MMAA: variants seen among roughly 807,000 people sequenced by gnomAD.
MMAA encodes the protein methylmalonic aciduria type A protein, mitochondrial.
MMAA carries 41 observed loss-of-function variants against 45.0 expected under a neutral mutation model. That is an observed-to-expected ratio of 0.91 (90% CI 0.71 to 1.18). The LOEUF (loss-of-function observed/expected upper bound fraction) is 1.18, where lower values mean the gene tolerates loss of function less well. Among genes scored for constraint, MMAA ranks in the 50% most tolerant of loss-of-function variants. MMAA has a pLI of 0.00. For synonymous variants in MMAA, 154 were observed against 178.2 expected, an observed-to-expected ratio of 0.86 and a Z score of 1.08; for missense variants, 460 against 495.7, an observed-to-expected ratio of 0.93 and a Z score of 0.68.
intron 3 of MMAA, among the ~76,000 whole-genome samples, chr4:145,644,824 G>C (rs1254410187): frequency 6.6e-6 from 1 of 152,162 alleles, no homozygotes; most frequent in African/African-American, 2.4e-5. Context: ...GTTGTGGGTG[G>C]CTGTCCTGTG....
At chr4:145,641,153 G>A (rs1437103655) in intron 2 of MMAA, among the ~76,000 whole-genome samples, 1 of 152,116 alleles carries the variant, frequency 6.6e-6, no homozygotes, top group Non-Finnish European at 1.5e-5. Flanking sequence ...TACCTTGGAT[G>A]TTAATAATCT....
chr4:145,624,800 A>C (rs1333175601), intron 1 of MMAA: 10 of 1,606,386 alleles, frequency 6.2e-6, no homozygotes, highest in African/African-American at 1.3e-5. Context: ...TGCAGGGCTC[A>C]TTGGCTCTGC....
intron 1 of MMAA, among the ~76,000 whole-genome samples, chr4:145,635,268 C>G (rs1727581198): frequency 6.6e-6 from 1 of 152,148 alleles, no homozygotes; most frequent in Non-Finnish European, 1.5e-5. Context: ...TGGGAACAGC[C>G]AGGCCTCTCT....
intron 1 of MMAA, among the ~76,000 whole-genome samples, chr4:145,619,658 A>C (rs143691668): frequency 1.0e-3 from 156 of 152,304 alleles, no homozygotes; most frequent in African/African-American, 3.5e-3. Flanking sequence ...CTGTACGTAA[A>C]CAGTGTTTTA....
intron 5 of MMAA, among the ~76,000 whole-genome samples, chr4:145,652,444 A>G (rs550230443): frequency 4.6e-5 from 7 of 152,208 alleles, no homozygotes; most frequent in Admixed American, 3.3e-4. Flanking sequence ...AAACTCAGGT[A>G]TAGGCCGGGC....
At chr4:145,623,826 A>G (rs906894270) in intron 1 of MMAA, among the ~76,000 whole-genome samples, 2 of 152,208 alleles carry the variant, frequency 1.3e-5, no homozygotes, top group African/African-American at 4.8e-5. Flanking sequence ...GAGTGTTTTA[A>G]TGTACTTTTA....
intron 2 of MMAA, among the ~76,000 whole-genome samples, chr4:145,640,803 G>T (rs985682713): frequency 1.3e-5 from 2 of 152,130 alleles, no homozygotes; most frequent in African/African-American, 4.8e-5. Context: ...TGACCAGCAG[G>T]AATTAAACAA....
At chr4:145,633,938 C>T (rs1287351921) in intron 1 of MMAA, among the ~76,000 whole-genome samples, 1 of 152,192 alleles carries the variant, frequency 6.6e-6, no homozygotes. Flanking sequence ...CTGTTTTGAG[C>T]CACCTGGAGC....
intron 1 of MMAA, among the ~76,000 whole-genome samples, chr4:145,623,549 A>G (rs1734131216): frequency 6.6e-6 from 1 of 152,236 alleles, no homozygotes; most frequent in South Asian, 2.1e-4. Context: ...ATAATGTAGA[A>G]CATGTAGTCT....
intron 1 of MMAA, among the ~76,000 whole-genome samples, chr4:145,630,380 A>G (rs2126610875): frequency 6.6e-6 from 1 of 152,122 alleles, no homozygotes; most frequent in East Asian, 1.9e-4. Context: ...ATTTATTTGG[A>G]TCATCTCTCT....
rs4835011 is a variant in MMAA at position 145,639,084 on chromosome 4, A to G, written c.-56A>G. On this transcript the variant is annotated 5_prime_UTR_variant, in exon 2 of 7. Transcript: ENST00000649156. ...TTTTTCTTTCTTCTAGGGAGGTCAC[A>G]ATCACATTGAGCCAAAACGCATCCA... 0.071 allele frequency: 109,903 copies of G among 1,543,616 alleles called. 4,468 individuals carry two copies. The highest frequency in any genetic ancestry group is 0.17 in the Middle Eastern group (994 of 5,944).
chr4:145,629,884 C>G (rs1045998285), intron 1 of MMAA, among the ~76,000 whole-genome samples: 1 of 152,148 alleles, frequency 6.6e-6, no homozygotes, highest in African/African-American at 2.4e-5. Flanking sequence ...CACTGGGTGC[C>G]TCCCATAATA....
intron 1 of MMAA, among the ~76,000 whole-genome samples, chr4:145,620,617 C>T (rs994896660): frequency 1.3e-5 from 2 of 152,164 alleles, no homozygotes; most frequent in Admixed American, 6.5e-5. Context: ...TTAGTACAGT[C>T]CTACACTTAC....
chr4:145,623,516 G>T (rs1009108025), intron 1 of MMAA, among the ~76,000 whole-genome samples: 1 of 152,184 alleles, frequency 6.6e-6, no homozygotes, highest in African/African-American at 2.4e-5. Flanking sequence ...TGCAGTAGCT[G>T]AGTTTCTTTC....
intron 1 of MMAA, among the ~76,000 whole-genome samples, chr4:145,621,379 G>A (rs1734084753): frequency 6.6e-6 from 1 of 152,190 alleles, no homozygotes. Context: ...TAGGAATTGG[G>A]AAATCTGAAT....
In MMAA at chr4:145,660,010, A is replaced by G. The variant is rs1216868035; in HGVS notation, c.*4576A>G. 6.6e-6 allele frequency: 1 copy of G among 151,696 alleles called. No homozygotes were observed. Among genetic ancestry groups the G allele is most frequent in the Admixed American group, 6.6e-5 (1 of 15,240 alleles). 9.4% of individuals were successfully genotyped at this position (151,696 alleles called of 1,614,324 possible). On this transcript the variant is annotated 3_prime_UTR_variant, in exon 7 of 7. Coordinates refer to ENST00000649156, the MANE Select transcript of MMAA (RefSeq NM_172250.3). ...GGTAACCACTGTTCTGTTCCCTATG[A>G]GATAAAACTTTTTTTGTCTTCCATA...
chr4:145,631,743 G>T (rs938488389), intron 1 of MMAA, among the ~76,000 whole-genome samples: 1 of 151,908 alleles, frequency 6.6e-6, no homozygotes, highest in Non-Finnish European at 1.5e-5. Context: ...TTTAGTGAAG[G>T]TGATTTTCTG....
Position 145,655,424 on chromosome 4 carries a change from G to A in MMAA, c.1247G>A (p.Ser416Asn). 6.2e-7 allele frequency: 1 copy of A among 1,610,490 alleles called. No homozygotes were observed. The highest frequency in any genetic ancestry group is 1.1e-5 in the South Asian group (1 of 89,894). ...AADFLLKAFKSRD is the reference protein window; with the variant it reads ...AADFLLKAFKNRD Reference sequence around the variant, plus strand: ...GACTTCTTGTTAAAAGCTTTTAAAAGCAGAGACTAATAAAATTCATCCTGT... The same window carrying A: ...GACTTCTTGTTAAAAGCTTTTAAAAACAGAGACTAATAAAATTCATCCTGT... The change falls in exon 7 of 7, where the codon AGC becomes AAC. Residue 416 changes from serine (S) to asparagine (N), a missense_variant. By Grantham distance (46) the Ser-to-Asn change is conservative. Coordinates refer to ENST00000649156, the MANE Select transcript of MMAA (RefSeq NM_172250.3).
At chr4:145,625,257 G>T in intron 1 of MMAA, 2 of 891,122 alleles carry the variant, frequency 2.2e-6, no homozygotes. Context: ...CTCTTGAGGA[G>T]CAAGTTTTCT....
Sources: gnomAD v4.1 joint callset for allele counts (sites outside exome capture counted in the v4.1 genomes callset) on GRCh38, gnomAD v4.1.1 for gene constraint, MANE v1.5 for transcripts, NCBI Gene and HGNC (gene_info 2026-07-23, HGNC 2026-07-21) for gene names.